The following FRMPD4 variants were observed in gnomAD, a reference collection of about 807,000 sequenced individuals.
FRMPD4 encodes FERM and PDZ domain containing 4.
In FRMPD4, 22 loss-of-function variants were observed where a neutral mutation model predicts 94.1. The ratio of observed to expected loss-of-function variants is 0.23; its 90% CI spans 0.17 to 0.33. FRMPD4 has a LOEUF of 0.33. FRMPD4 is among the 10% of genes least tolerant of loss of function. The pLI is 1.00. For synonymous variants in FRMPD4, 631 were observed against 548.6 expected (o/e 1.15, Z -2.10); for missense variants, 1,111 against 1,339.9 (o/e 0.83, Z 2.67).
At chrX:12,143,814 G>A (rs181402190) in intron 1 of FRMPD4, among the ~76,000 whole-genome samples, 1 of 112,323 alleles carries the variant, frequency 8.9e-6, no homozygotes, top group East Asian at 2.8e-4. Flanking sequence ...TGAAACTTCT[G>A]ATCTCAAATT....
chrX:12,359,864 C>G (rs1249074796), intron 1 of FRMPD4, among the ~76,000 whole-genome samples: 1 of 111,447 alleles, frequency 9.0e-6, no homozygotes, highest in Non-Finnish European at 1.9e-5. Flanking sequence ...TATAGTTCAT[C>G]TATTGGAGGA....
intron 3 of FRMPD4, among the ~76,000 whole-genome samples, chrX:11,946,419 G>T (rs2054189371): frequency 9.0e-6 from 1 of 110,994 alleles, no homozygotes; most frequent in Admixed American, 9.6e-5. Flanking sequence ...ACTTGATTTG[G>T]CCAATGAAAT....
At chrX:11,990,502 A>G (rs2054457987) in intron 3 of FRMPD4, among the ~76,000 whole-genome samples, 1 of 112,496 alleles carries the variant, frequency 8.9e-6, no homozygotes, top group Non-Finnish European at 1.9e-5. Flanking sequence ...AAGAAATCTC[A>G]GGAAAACTGA....
At chrX:12,211,740 G>C (rs962654835) in intron 1 of FRMPD4, among the ~76,000 whole-genome samples, 3 of 111,290 alleles carry the variant, frequency 2.7e-5, no homozygotes, top group African/African-American at 9.8e-5. Flanking sequence ...TGACCTGATA[G>C]GGCAAATCAG....
chrX:12,720,715 G>A lies in FRMPD4; in HGVS notation c.4146G>A (p.Trp1382Ter). 2 of 1,069,555 alleles carry A rather than the reference G, an allele frequency of 1.9e-6. No individual in the cohort carries two copies. Among genetic ancestry groups the A allele is most frequent in the Non-Finnish European group, 2.4e-6 (2 of 829,412 alleles). 88.1% of individuals were successfully genotyped at this position (1,069,555 alleles called of 1,213,427 possible). Residue 1382 changes from tryptophan (W) to a stop codon, truncating the protein, a stop_gained, in exon 17 of 17, where the codon TGG (tryptophan) becomes TGA (stop). Transcript: ENST00000675598. LOFTEE classifies it high-confidence loss of function. ...AGGCATACGGAGAGGCTGTGAGCTG[G>A]CGGCCACCGGATCTGAGAGGGGGGA... Reference protein sequence around the residue: ...ANQAYGEAVSWRPPDLRGGSL... With the variant: ...ANQAYGEAVS
chrX:11,844,611 AT>A (rs1336400932), intron 1 of FRMPD4, among the ~76,000 whole-genome samples: 1 of 109,260 alleles, frequency 9.2e-6, no homozygotes, highest in Admixed American at 9.7e-5. Context: ...TAATCATATT[AT>A]TTTTTTCTTT....
At chrX:11,879,539 C>T (rs1006748123) in intron 3 of FRMPD4, among the ~76,000 whole-genome samples, 5 of 110,964 alleles carry the variant, frequency 4.5e-5, no homozygotes, top group African/African-American at 1.6e-4. Flanking sequence ...AAAGGTCTGG[C>T]TGTGATTTGT....
At chrX:12,688,393 G>T (rs1165317199) in intron 7 of FRMPD4, among the ~76,000 whole-genome samples, 1 of 112,310 alleles carries the variant, frequency 8.9e-6, no homozygotes, top group Non-Finnish European at 1.9e-5. Context: ...GACTAAGTTT[G>T]ATTTCCCTGA....
chrX:12,583,147 T>G (rs1374465016), intron 2 of FRMPD4, among the ~76,000 whole-genome samples: 2 of 112,615 alleles, frequency 1.8e-5, no homozygotes, highest in South Asian at 7.3e-4. Flanking sequence ...ATTACTAATC[T>G]GCTATTGGTC....
chrX:12,295,885 A>G (rs1285572333), intron 1 of FRMPD4, among the ~76,000 whole-genome samples: 2 of 112,151 alleles, frequency 1.8e-5, no homozygotes, highest in Non-Finnish European at 3.8e-5. Flanking sequence ...GCAGTACACA[A>G]TGGCTGATGT....
intron 1 of FRMPD4, among the ~76,000 whole-genome samples, chrX:12,172,790 C>T (rs2056246116): frequency 8.9e-6 from 1 of 112,383 alleles, no homozygotes; most frequent in South Asian, 3.7e-4. Context: ...TAGATCTAAG[C>T]TGTAAACAAA....
intron 3 of FRMPD4, among the ~76,000 whole-genome samples, chrX:11,913,336 TG>T (rs898288306): frequency 1.8e-5 from 2 of 112,489 alleles, no homozygotes; most frequent in African/African-American, 6.5e-5. Context: ...AACTGCACAT[TG>T]AATCATCTCA....
chrX:11,944,992 G>A (rs182610480), intron 3 of FRMPD4, among the ~76,000 whole-genome samples: 3 of 112,141 alleles, frequency 2.7e-5, no homozygotes, highest in South Asian at 3.7e-4. Context: ...ATGACTGCAC[G>A]TTGTGATCAC....
intron 1 of FRMPD4, among the ~76,000 whole-genome samples, chrX:12,168,905 G>A (rs772430197): frequency 1.8e-5 from 2 of 111,965 alleles, no homozygotes; most frequent in Admixed American, 9.4e-5. Flanking sequence ...GATTACAGGC[G>A]TGAGCCACCG....
intron 2 of FRMPD4, among the ~76,000 whole-genome samples, chrX:12,598,052 G>A (rs2059049005): frequency 9.7e-6 from 1 of 102,899 alleles, no homozygotes; most frequent in African/African-American, 4.1e-5. Flanking sequence ...GAATGTTGGT[G>A]TATATATTAG....
chrX:12,381,500 A>C (rs1327462100), intron 1 of FRMPD4, among the ~76,000 whole-genome samples: 2 of 111,773 alleles, frequency 1.8e-5, no homozygotes, highest in African/African-American at 6.5e-5. Flanking sequence ...TATTCTCTTT[A>C]CTTTATTAAA....
At chrX:12,507,936 G>A (rs1462912706) in intron 2 of FRMPD4, among the ~76,000 whole-genome samples, 6 of 111,858 alleles carry the variant, frequency 5.4e-5, no homozygotes, top group Non-Finnish European at 1.1e-4. Flanking sequence ...GCACCTTTGT[G>A]GGAGGGGTAC....
intron 2 of FRMPD4, among the ~76,000 whole-genome samples, chrX:11,869,784 A>G (rs902902490): frequency 1.8e-5 from 2 of 111,726 alleles, no homozygotes; most frequent in African/African-American, 6.5e-5. Context: ...AATCAATTGT[A>G]TTATATCTTG....
chrX:11,841,063 AG>A (rs745676642), intron 1 of FRMPD4, among the ~76,000 whole-genome samples: 1 of 110,480 alleles, frequency 9.1e-6, no homozygotes, highest in South Asian at 4.0e-4. Context: ...GTCCCTACAA[AG>A]GACATGAGCT....
Sources: allele counts gnomAD v4.1 joint callset (sites outside exome capture counted in the v4.1 genomes callset), GRCh38; gene constraint gnomAD v4.1.1; transcripts MANE v1.5; gene names NCBI Gene and HGNC (gene_info 2026-07-23, HGNC 2026-07-21).